Variants in KIAA1217 observed in about 807,000 individuals in gnomAD.
KIAA1217 encodes the protein sickle tail protein homolog.
KIAA1217 carries 88 observed loss-of-function variants against 163.9 expected under a neutral mutation model. The ratio of observed to expected loss-of-function variants is 0.54; its 90% CI spans 0.45 to 0.64. The LOEUF (loss-of-function observed/expected upper bound fraction) is 0.64, where lower values mean the gene tolerates loss of function less well. Ranked by LOEUF, KIAA1217 falls within the 30% of genes least tolerant of loss-of-function variation. KIAA1217 has a pLI of 0.00. For synonymous variants in KIAA1217, 903 were observed against 923.1 expected (o/e 0.98, Z 0.39); for missense variants, 2,372 against 2,475.0 (o/e 0.96, Z 0.88).
chr10:24,127,679 G>C (rs2063515450), intron 2 of KIAA1217, among the ~76,000 whole-genome samples: 1 of 152,152 alleles, frequency 6.6e-6, no homozygotes, highest in Admixed American at 6.5e-5. Context: ...ATTCTCTGCT[G>C]TTAATGCTTC....
chr10:24,278,067 G>A (rs2077504489), intron 2 of KIAA1217, among the ~76,000 whole-genome samples: 1 of 152,252 alleles, frequency 6.6e-6, no homozygotes, highest in African/African-American at 2.4e-5. Context: ...AGATGCTGTG[G>A]AGTGTGATGA....
At position 24,262,321 on chromosome 10, in the gene KIAA1217, TTGTC is replaced by T. The variant is rs574851416; in HGVS notation, c.354+42418_354+42421del. 3.7e-4 allele frequency among the ~76,000 whole-genome samples: 56 copies of T among 152,160 alleles called. No homozygotes were observed. The South Asian group carries it at 8.7e-3, about 24-fold the overall frequency. ...GGCTGCTGTTTTAGAGGCTTGATGATTGTCTGTCTTTAAGAGTCAATATTGGCCG... is the reference window on the plus strand; with the variant it reads ...GGCTGCTGTTTTAGAGGCTTGATGATTGTCTTTAAGAGTCAATATTGGCCG... On this transcript the variant is annotated intron_variant, in intron 2 of 20. Transcript: ENST00000376454.
At chr10:24,489,860 CAAAAAAAAAAAA>C (rs11393718) in intron 6 of KIAA1217, among the ~76,000 whole-genome samples, 3 of 64,924 alleles carry the variant, frequency 4.6e-5, no homozygotes, top group African/African-American at 1.1e-4. Context: ...GAGAACCTGT[CAAAAAAAAAAAA>C]AAAAAAAAAA....
At position 23,965,589 on chromosome 10, in the gene KIAA1217, G is replaced by C. The variant is rs569522042; in HGVS notation, c.-320-41636G>C. On this transcript the variant is annotated intron_variant, in intron 1 of 18. Coordinates refer to the KIAA1217 transcript ENST00000376462. ...ATTCTGCTACATTTGAAAACAATTA[G>C]ATCAGAAACAAAACGTTGCCATCTC... is the stretch of plus-strand genomic sequence containing the variant. Among the ~76,000 whole-genome samples the C allele has an allele frequency of 8.5e-5, 13 of 152,274 alleles. No homozygotes were observed. In the South Asian group the frequency reaches 2.1e-3, roughly 24 times the overall value.
intron 1 of KIAA1217, among the ~76,000 whole-genome samples, chr10:23,833,704 T>A (rs1332751871): frequency 6.6e-6 from 1 of 152,014 alleles, no homozygotes; most frequent in African/African-American, 2.4e-5. Context: ...ACTTAGGGCC[T>A]ATTTCCATTC....
At chr10:24,221,416 C>G (rs999412147) in intron 2 of KIAA1217, among the ~76,000 whole-genome samples, 2 of 152,078 alleles carry the variant, frequency 1.3e-5, no homozygotes, top group Non-Finnish European at 2.9e-5. Flanking sequence ...GGGAGGAAAG[C>G]TCAGTGTTTT....
chr10:23,927,325 G>GGGGTGTGTGTGTGT (rs71506821), intron 1 of KIAA1217, among the ~76,000 whole-genome samples: 1 of 143,000 alleles, frequency 7.0e-6, no homozygotes, highest in African/African-American at 2.6e-5. Flanking sequence ...CAAGTCATAG[G>GGGGTGTGTGTGTGT]GTGTGTGTGT....
At chr10:23,697,517 G>T (rs554796664) in intron 1 of KIAA1217, among the ~76,000 whole-genome samples, 1 of 151,860 alleles carries the variant, frequency 6.6e-6, no homozygotes, top group African/African-American at 2.4e-5. Flanking sequence ...TCCACCCCCT[G>T]CCAAATTTAG....
At chr10:24,517,304 AG>A (rs1057310838) in intron 10 of KIAA1217, among the ~76,000 whole-genome samples, 2 of 152,206 alleles carry the variant, frequency 1.3e-5, no homozygotes, top group African/African-American at 4.8e-5. Context: ...GCAAGACAGC[AG>A]GTTATAAAAG....
At chr10:24,003,029 C>T (rs1846821994) in intron 1 of KIAA1217, among the ~76,000 whole-genome samples, 1 of 152,208 alleles carries the variant, frequency 6.6e-6, no homozygotes, top group African/African-American at 2.4e-5. Flanking sequence ...ATATATTCCA[C>T]ATTTTCTTAA....
At chr10:23,755,031 C>T (rs1476115420) in intron 1 of KIAA1217, among the ~76,000 whole-genome samples, 1 of 152,040 alleles carries the variant, frequency 6.6e-6, no homozygotes, top group Non-Finnish European at 1.5e-5. Context: ...ATTTCATCTT[C>T]ATTATATAAA....
At chr10:23,790,657 A>G (rs1835893389) in intron 1 of KIAA1217, among the ~76,000 whole-genome samples, 2 of 138,508 alleles carry the variant, frequency 1.4e-5, no homozygotes, top group African/African-American at 5.9e-5. Context: ...ATGTGTATAT[A>G]TATACATATA....
intron 1 of KIAA1217, among the ~76,000 whole-genome samples, chr10:23,851,027 T>A (rs1002164206): frequency 6.6e-6 from 1 of 152,096 alleles, no homozygotes; most frequent in Non-Finnish European, 1.5e-5. Flanking sequence ...TTTATTATTA[T>A]TATACTTTAA....
At chr10:24,446,926 G>A (rs1196424508) in intron 5 of KIAA1217, among the ~76,000 whole-genome samples, 1 of 152,134 alleles carries the variant, frequency 6.6e-6, no homozygotes, top group Non-Finnish European at 1.5e-5. Flanking sequence ...AATCATGCCT[G>A]TGGTCACTAC....
chr10:23,722,067 T>A (rs912485991), intron 1 of KIAA1217, among the ~76,000 whole-genome samples: 1 of 152,176 alleles, frequency 6.6e-6, no homozygotes, highest in East Asian at 1.9e-4. Flanking sequence ...GAAAAACTTA[T>A]GCAAAGTAAA....
intron 1 of KIAA1217, among the ~76,000 whole-genome samples, chr10:23,747,133 C>G (rs1462395863): frequency 6.6e-6 from 1 of 152,124 alleles, no homozygotes; most frequent in East Asian, 1.9e-4. Flanking sequence ...GCATGGCACT[C>G]ATCTCAGAGG....
At chr10:24,149,813 T>C (rs2064517745) in intron 2 of KIAA1217, among the ~76,000 whole-genome samples, 2 of 152,274 alleles carry the variant, frequency 1.3e-5, no homozygotes, top group South Asian at 2.1e-4. Flanking sequence ...GTTACCCTGA[T>C]TTAATCATTA....
At chr10:24,115,498 C>T (rs1589553636) in intron 2 of KIAA1217, among the ~76,000 whole-genome samples, 5 of 152,272 alleles carry the variant, frequency 3.3e-5, no homozygotes, top group Admixed American at 3.3e-4. Flanking sequence ...AAAAACTGTC[C>T]AGTAATACAC....
At chr10:24,177,994 A>G (rs567192459) in intron 2 of KIAA1217, among the ~76,000 whole-genome samples, 23 of 152,324 alleles carry the variant, frequency 1.5e-4, no homozygotes, top group South Asian at 4.1e-4. Flanking sequence ...CCTAAATATC[A>G]AATATAAATT....
Sources: gnomAD v4.1 joint callset for allele counts (sites outside exome capture counted in the v4.1 genomes callset) on GRCh38, gnomAD v4.1.1 for gene constraint, MANE v1.5 for transcripts, NCBI Gene and HGNC (gene_info 2026-07-23, HGNC 2026-07-21) for gene names.